The following IFT57 variants were observed in gnomAD, a reference collection of about 807,000 sequenced individuals.
IFT57 encodes intraflagellar transport 57.
IFT57 carries 59 observed loss-of-function variants against 56.8 expected under a neutral mutation model. The ratio of observed to expected loss-of-function variants is 1.04; its 90% CI spans 0.84 to 1.29. The LOEUF (loss-of-function observed/expected upper bound fraction) is 1.29, where lower values mean the gene tolerates loss of function less well. Ranked by LOEUF, IFT57 falls within the 50% of genes most tolerant of loss-of-function variation. The pLI is 0.00. For missense variants in IFT57, 470 were observed against 522.1 expected, an observed-to-expected ratio of 0.90 and a Z score of 0.97; for synonymous variants, 209 against 186.1, an observed-to-expected ratio of 1.12 and a Z score of -1.00.
intron 4 of IFT57, among the ~76,000 whole-genome samples, chr3:108,210,374 C>G (rs556569967): frequency 1.5e-5 from 2 of 136,748 alleles, no homozygotes; most frequent in South Asian, 4.7e-4. Context: ...CACTCTGTTG[C>G]CCAGGCCGGA....
rs894089251 is a variant in IFT57 at position 108,187,536 on chromosome 3, A to G, written c.777+3985T>C. ...AGACTGCTCTGCCTATGGAGTAGCCATGATTTTGTTTCTTTACTTCTCTAA... is the reference window on the plus strand; with the variant it reads ...AGACTGCTCTGCCTATGGAGTAGCCGTGATTTTGTTTCTTTACTTCTCTAA... On this transcript the variant is annotated intron_variant, in intron 6 of 10. Coordinates refer to ENST00000264538, the MANE Select transcript of IFT57 (RefSeq NM_018010.4). 2.6e-5 allele frequency among the ~76,000 whole-genome samples: 4 copies of G among 151,630 alleles called. No individual in the cohort carries two copies. In the East Asian group the frequency reaches 7.8e-4, roughly 30 times the overall value.
At chr3:108,165,519 T>C (rs1395938151) in intron 8 of IFT57, 26 bp from the exon 9 acceptor site, 3 of 1,591,590 alleles carry the variant, frequency 1.9e-6, no homozygotes, top group South Asian at 1.1e-5. Flanking sequence ...TTTTGTTTAA[T>C]GGCAAATTCA....
intron 6 of IFT57, among the ~76,000 whole-genome samples, chr3:108,169,214 G>A (rs1300540243): frequency 1.3e-5 from 2 of 152,024 alleles, no homozygotes; most frequent in African/African-American, 4.8e-5. Flanking sequence ...TCTCATTGTG[G>A]TTTTGATTTG....
At chr3:108,165,552 A>G (rs373526438) in intron 8 of IFT57, 59 bp from the exon 9 acceptor site, 60 of 1,338,864 alleles carry the variant, frequency 4.5e-5, no homozygotes, top group Admixed American at 6.7e-5. Context: ...ATTAAATACG[A>G]CTGACCTCTT....
chr3:108,176,284 G>A (rs2080123673), intron 6 of IFT57, among the ~76,000 whole-genome samples: 1 of 151,786 alleles, frequency 6.6e-6, no homozygotes, highest in Non-Finnish European at 1.5e-5. Flanking sequence ...TTTCTCTAGA[G>A]ATTTTCAAGA....
chr3:108,212,357 A>C (rs962223169), intron 4 of IFT57, among the ~76,000 whole-genome samples: 4 of 152,158 alleles, frequency 2.6e-5, no homozygotes, highest in African/African-American at 9.7e-5. Context: ...TACAGGTATA[A>C]GCCAGCATGC....
chr3:108,181,803 C>T (rs1422482700), intron 6 of IFT57, among the ~76,000 whole-genome samples: 4 of 151,982 alleles, frequency 2.6e-5, no homozygotes, highest in South Asian at 2.1e-4. Flanking sequence ...ACGTGGAGAC[C>T]GACTTATTGC....
intron 6 of IFT57, among the ~76,000 whole-genome samples, chr3:108,190,744 G>T (rs1301112216): frequency 6.6e-6 from 1 of 152,156 alleles, no homozygotes; most frequent in African/African-American, 2.4e-5. Flanking sequence ...AGTTAATCTG[G>T]TCTAATCCCT....
chr3:108,178,440 T>C (rs945994065), intron 6 of IFT57, among the ~76,000 whole-genome samples: 3 of 151,936 alleles, frequency 2.0e-5, no homozygotes, highest in African/African-American at 7.2e-5. Context: ...ATTTTGAGTA[T>C]ATTAAAGTTA....
chr3:108,202,259 G>C (rs1468146247), intron 5 of IFT57, among the ~76,000 whole-genome samples: 2 of 152,172 alleles, frequency 1.3e-5, no homozygotes, highest in Non-Finnish European at 2.9e-5. Context: ...TCACAAGGGT[G>C]AAGGGAGATA....
intron 5 of IFT57, among the ~76,000 whole-genome samples, chr3:108,206,062 A>G (rs1213983745): frequency 2.9e-5 from 3 of 104,884 alleles, no homozygotes; most frequent in Non-Finnish European, 6.0e-5. Context: ...TATTATTTAT[A>G]TATAATAATA....
At chr3:108,216,771 G>A (rs1015238194) in intron 3 of IFT57, among the ~76,000 whole-genome samples, 3 of 152,150 alleles carry the variant, frequency 2.0e-5, no homozygotes, top group Non-Finnish European at 1.5e-5. Context: ...TATTTTCACA[G>A]TGGAATACCA....
intron 4 of IFT57, among the ~76,000 whole-genome samples, chr3:108,209,266 T>G (rs1261468125): frequency 1.3e-5 from 2 of 152,238 alleles, no homozygotes; most frequent in Non-Finnish European, 2.9e-5. Context: ...GTATTATTAC[T>G]TTTAATATTA....
chr3:108,164,130 G>T (rs2080048342), intron 9 of IFT57, among the ~76,000 whole-genome samples: 1 of 151,878 alleles, frequency 6.6e-6, no homozygotes, highest in Non-Finnish European at 1.5e-5. Context: ...GCTTTTCTGG[G>T]TATCTTTCTT....
chr3:108,175,583 C>T (rs1032286267), intron 6 of IFT57, among the ~76,000 whole-genome samples: 4 of 151,740 alleles, frequency 2.6e-5, no homozygotes, highest in Non-Finnish European at 4.4e-5. Flanking sequence ...ATAAGGATCT[C>T]TGGGTTTTAC....
At chr3:108,169,685 G>A (rs2080082430) in intron 6 of IFT57, among the ~76,000 whole-genome samples, 1 of 151,888 alleles carries the variant, frequency 6.6e-6, no homozygotes, top group African/African-American at 2.4e-5. Context: ...AAGGGGTACA[G>A]TTTCTGTTTT....
At chr3:108,178,205 ACTGT>A (rs1327908697) in intron 6 of IFT57, among the ~76,000 whole-genome samples, 1 of 151,906 alleles carries the variant, frequency 6.6e-6, no homozygotes, top group Admixed American at 6.6e-5. Context: ...TTTTCAGTAA[ACTGT>A]CTGGGTTGGT....
At chr3:108,208,647 C>T (rs1017191339) in intron 4 of IFT57, among the ~76,000 whole-genome samples, 15 of 152,150 alleles carry the variant, frequency 9.9e-5, no homozygotes, top group African/African-American at 2.9e-4. Flanking sequence ...GTTCCCATGA[C>T]CTTATGCTTT....
At position 108,161,521 on chromosome 3, in the gene IFT57, G is replaced by A. The variant is rs2080031930; in HGVS notation, c.*956C>T. On this transcript the variant is annotated 3_prime_UTR_variant, in exon 11 of 11. Transcript: ENST00000264538. Reference sequence around the variant, plus strand: ...CATTCTTATCAAATTTTCTACCACTGCTTTTGAAAATTATTAAAAAAAAAA... The same window carrying A: ...CATTCTTATCAAATTTTCTACCACTACTTTTGAAAATTATTAAAAAAAAAA... The A allele has an allele frequency of 9.8e-6, 1 of 101,834 alleles. No individual in the cohort carries two copies. Among genetic ancestry groups the A allele is most frequent in the East Asian group, 2.9e-4 (1 of 3,462 alleles). 6.3% of individuals were successfully genotyped at this position (101,834 alleles called of 1,614,324 possible). A position where few individuals can be genotyped will look rare whatever the true frequency, so the allele number is the denominator to read the frequency against.
Sources: gnomAD v4.1 joint callset for allele counts (sites outside exome capture counted in the v4.1 genomes callset) on GRCh38, gnomAD v4.1.1 for gene constraint, MANE v1.5 for transcripts, NCBI Gene and HGNC (gene_info 2026-07-23, HGNC 2026-07-21) for gene names.